Variants in GABRA4 observed in about 807,000 individuals in gnomAD.
GABRA4 encodes gamma-aminobutyric acid type A receptor subunit alpha4, also known as gamma-aminobutyric acid receptor subunit alpha-4.
Under a neutral mutation model 49.7 loss-of-function variants are expected in GABRA4, and 12 were observed. The observed-to-expected ratio is 0.24, with a 90% CI of 0.15 to 0.39. GABRA4 has a LOEUF of 0.39. Ranked by LOEUF, GABRA4 falls within the 10% of genes least tolerant of loss-of-function variation. The pLI, the probability that GABRA4 is intolerant of heterozygous loss-of-function variation, is 1.00. For synonymous variants in GABRA4, 288 were observed against 240.2 expected (o/e 1.20, Z -1.84); for missense variants, 506 against 686.0 (o/e 0.74, Z 2.93).
intron 7 of GABRA4, among the ~76,000 whole-genome samples, chr4:46,966,448 A>G (rs1450102099): frequency 6.6e-6 from 1 of 151,762 alleles, no homozygotes; most frequent in Non-Finnish European, 1.5e-5. Flanking sequence ...TTTGGAGAAA[A>G]TAATATTGTC....
intron 8 of GABRA4, among the ~76,000 whole-genome samples, chr4:46,931,381 T>C (rs994924671): frequency 6.6e-6 from 1 of 152,114 alleles, no homozygotes; most frequent in Non-Finnish European, 1.5e-5. Context: ...AGGATCAAAC[T>C]GACTCTAAGT....
At chr4:46,935,411 T>C (rs1721572413) in intron 8 of GABRA4, among the ~76,000 whole-genome samples, 1 of 152,180 alleles carries the variant, frequency 6.6e-6, no homozygotes, top group Non-Finnish European at 1.5e-5. Context: ...TTCAAACGAA[T>C]ATTACATAGA....
intron 8 of GABRA4, among the ~76,000 whole-genome samples, chr4:46,947,814 A>G (rs1242142535): frequency 1.3e-5 from 2 of 152,030 alleles, no homozygotes; most frequent in Non-Finnish European, 2.9e-5. Context: ...TCCCCTAAAC[A>G]TAGTGGCTTA....
chr4:46,974,369 T>C lies in GABRA4; in HGVS notation c.584A>G (p.Tyr195Cys). 6.2e-7 allele frequency: 1 copy of C among 1,609,684 alleles called. No homozygotes were observed. The highest frequency in any genetic ancestry group is 8.5e-7 in the Non-Finnish European group (1 of 1,177,486). ...GGTATAGATCATCTCACTCTTTGGA[T>C]AGGCATCTAAAAGAGAGCACAGAAT... ...ACPLKFGSYA[Y>C]PKSEMIYTWT... is the part of the protein sequence containing the mutation. The change falls in exon 6 of 9, where the codon TAT becomes TGT. Residue 195 changes from tyrosine to cysteine, a missense_variant. By Grantham distance (194) the Tyr-to-Cys change is radical. Coordinates refer to ENST00000264318, the MANE Select transcript of GABRA4 (RefSeq NM_000809.4).
At chr4:46,935,040 C>T (rs983044136) in intron 8 of GABRA4, among the ~76,000 whole-genome samples, 1 of 152,158 alleles carries the variant, frequency 6.6e-6, no homozygotes, top group African/African-American at 2.4e-5. Context: ...TGTAGAAAAG[C>T]AGTATTGTGG....
At chr4:46,970,008 AT>A (rs921597843) in intron 7 of GABRA4, among the ~76,000 whole-genome samples, 1 of 150,648 alleles carries the variant, frequency 6.6e-6, no homozygotes, top group African/African-American at 2.4e-5. Flanking sequence ...TTTTCTTTCT[AT>A]TTTTTTAATG....
chr4:46,946,005 ACTGTT>A (rs1203192603), intron 8 of GABRA4, among the ~76,000 whole-genome samples: 6 of 152,262 alleles, frequency 3.9e-5, no homozygotes, highest in African/African-American at 1.4e-4. Flanking sequence ...GGAAGAGCTG[ACTGTT>A]GAACCCAAAT....
chr4:46,969,770 A>G (rs1316956501), intron 7 of GABRA4, among the ~76,000 whole-genome samples: 1 of 151,464 alleles, frequency 6.6e-6, no homozygotes, highest in Non-Finnish European at 1.5e-5. Flanking sequence ...GTTTAAACCT[A>G]GACTTGCTGA....
chr4:46,964,822 C>T (rs561830601), intron 8 of GABRA4, 148 bp downstream of exon 8: 2 of 816,708 alleles, frequency 2.4e-6, no homozygotes, highest in South Asian at 2.2e-5. Flanking sequence ...AAAGTTTAAG[C>T]TCATACAGTT....
chr4:46,989,472 C>T (rs1262363632), intron 2 of GABRA4, among the ~76,000 whole-genome samples: 2 of 152,230 alleles, frequency 1.3e-5, no homozygotes, highest in Admixed American at 6.5e-5. Flanking sequence ...GACTCCTTCC[C>T]TCTCTTCTCG....
chr4:46,979,031 C>A lies in GABRA4; in HGVS notation c.273G>T (p.Met91Ile). The A allele has an allele frequency of 6.2e-7, 1 of 1,602,620 alleles. No individual in the cohort carries two copies. Among genetic ancestry groups the A allele is most frequent in the Non-Finnish European group, 8.5e-7 (1 of 1,170,700 alleles). Residue 91 changes from methionine (M) to isoleucine (I), a missense_variant and splice_region_variant, in exon 3 of 9, where the codon ATG becomes ATT. This residue lies in a region of GABRA4 where 195 missense variants were observed against 326.0 expected (regional missense o/e 0.60). Coordinates refer to ENST00000264318, the MANE Select transcript of GABRA4 (RefSeq NM_000809.4). ...TACATTAAACTTCGAAAATACCTAC[C>A]ATTTCAACATCAGAAACAGGTCCAA... is the stretch of plus-strand genomic sequence containing the variant. ...TSFGPVSDVE[M>I]EYTMDVFFRQ...
chr4:46,974,360 C>T lies in GABRA4; in HGVS notation c.593G>A (p.Ser198Asn). 1 of 1,610,212 alleles carries T rather than the reference C, an allele frequency of 6.2e-7. No individual in the cohort carries two copies. The highest frequency in any genetic ancestry group is 2.2e-5 in the East Asian group (1 of 44,726). ...LKFGSYAYPKSEMIYTWTKGP... is the reference protein window; with the variant it reads ...LKFGSYAYPKNEMIYTWTKGP... ...TTTTGTCCAGGTATAGATCATCTCA[C>T]TCTTTGGATAGGCATCTAAAAGAGA... The change falls in exon 6 of 9, where the codon AGT (serine) becomes AAT (asparagine). Residue 198 changes from serine (S) to asparagine (N), a missense_variant. Transcript: ENST00000264318.
intron 8 of GABRA4, among the ~76,000 whole-genome samples, chr4:46,934,455 C>T (rs1419510522): frequency 6.6e-6 from 1 of 152,076 alleles, no homozygotes; most frequent in Non-Finnish European, 1.5e-5. Context: ...ATTTTATATA[C>T]CAAGGCACTC....
intron 8 of GABRA4, among the ~76,000 whole-genome samples, chr4:46,933,094 G>T (rs976010269): frequency 4.6e-5 from 7 of 152,108 alleles, no homozygotes; most frequent in Admixed American, 4.6e-4. Flanking sequence ...TGAGAGTGGG[G>T]TGTGCAACAT....
At chr4:46,979,189 G>A in intron 2 of GABRA4, 91 bp from the exon 3 acceptor site, 1 of 739,296 alleles carries the variant, frequency 1.4e-6, no homozygotes. Context: ...ATACAGATAT[G>A]ATATATCATG....
Position 46,922,970 on chromosome 4 carries a change from C to G in GABRA4, c.*5255G>C. ...AGCATTATCGCCTGAGCTCTGCCTC[C>G]TGTCAGATTAGCGGCGGCATTAGAT... On this transcript the variant is annotated 3_prime_UTR_variant, in exon 9 of 9. Transcript: ENST00000264318. 1 of 152,122 alleles carries G rather than the reference C, an allele frequency of 6.6e-6. No individual in the cohort carries two copies. The highest frequency in any genetic ancestry group is 1.9e-4 in the East Asian group (1 of 5,166). 9.4% of individuals were successfully genotyped at this position (152,122 alleles called of 1,614,324 possible). A position where few individuals can be genotyped will look rare whatever the true frequency, so the allele number is the denominator to read the frequency against.
chr4:46,946,283 A>ACCTTCATTT (rs1425935856), intron 8 of GABRA4, among the ~76,000 whole-genome samples: 2 of 152,158 alleles, frequency 1.3e-5, no homozygotes, highest in Admixed American at 1.3e-4. Context: ...CTATATTGCA[A>ACCTTCATTT]CCTTCATTTC....
At chr4:46,969,966 C>T (rs957895715) in intron 7 of GABRA4, among the ~76,000 whole-genome samples, 3 of 151,346 alleles carry the variant, frequency 2.0e-5, no homozygotes, top group Non-Finnish European at 3.0e-5. Context: ...ATTGCCCCCC[C>T]ATATGAGTTT....
intron 8 of GABRA4, among the ~76,000 whole-genome samples, chr4:46,959,735 G>T (rs1287320118): frequency 8.6e-6 from 1 of 116,622 alleles, no homozygotes; most frequent in Non-Finnish European, 1.7e-5. Context: ...GATAGCACTA[G>T]TATAATGAGT....
Sources: allele counts gnomAD v4.1 joint callset (sites outside exome capture counted in the v4.1 genomes callset), GRCh38; gene constraint gnomAD v4.1.1; regional missense constraint gnomAD v4.1.1; transcripts MANE v1.5; gene names NCBI Gene and HGNC (gene_info 2026-07-23, HGNC 2026-07-21).